ARHGEF3: variants seen among roughly 807,000 people sequenced by gnomAD.
ARHGEF3 encodes 59.8 kDA protein.
In ARHGEF3, 28 loss-of-function variants were observed where a neutral mutation model predicts 63.2. That is an observed-to-expected ratio of 0.44 (90% CI 0.33 to 0.61). The LOEUF (loss-of-function observed/expected upper bound fraction) is 0.61, where lower values mean the gene tolerates loss of function less well. Among genes scored for constraint, ARHGEF3 ranks in the 20% least tolerant of loss-of-function variants. ARHGEF3 has a pLI of 0.03. For missense variants in ARHGEF3, 533 were observed against 659.3 expected, an observed-to-expected ratio of 0.81 and a Z score of 2.10; for synonymous variants, 266 against 254.2, an observed-to-expected ratio of 1.05 and a Z score of -0.44.
chr3:56,941,763 G>T (rs367904068), intron 3 of ARHGEF3, among the ~76,000 whole-genome samples: 4 of 152,280 alleles, frequency 2.6e-5, no homozygotes, highest in African/African-American at 7.2e-5. Context: ...TCAGTGACGA[G>T]ACTTCTTTCT....
At chr3:56,845,614 C>T (rs966334211) in intron 4 of ARHGEF3, among the ~76,000 whole-genome samples, 4 of 152,186 alleles carry the variant, frequency 2.6e-5, no homozygotes, top group African/African-American at 4.8e-5. Flanking sequence ...GATGTTCCTT[C>T]ATGAGCAAAT....
Position 56,814,562 on chromosome 3 carries a change from A to G in ARHGEF3, c.193-40746T>C, listed in dbSNP as rs984553088. Among the ~76,000 whole-genome samples the G allele has an allele frequency of 3.9e-5, 6 of 152,362 alleles. No individual in the cohort carries two copies. In the South Asian group the frequency reaches 8.3e-4, roughly 21 times the overall value. On this transcript the variant is annotated intron_variant, in intron 4 of 12. Coordinates refer to the ARHGEF3 transcript ENST00000338458. ...TTCAAGGTTTTAATGAGTTAAAAAC[A>G]CATGAATAATCCAATAAGATAATAT...
chr3:56,892,152 T>C (rs1029156676), intron 3 of ARHGEF3, among the ~76,000 whole-genome samples: 1 of 152,046 alleles, frequency 6.6e-6, no homozygotes, highest in African/African-American at 2.4e-5. Flanking sequence ...ACAAACTGCT[T>C]TTCCCTCCAA....
intron 4 of ARHGEF3, among the ~76,000 whole-genome samples, chr3:56,838,052 G>T (rs2108098509): frequency 6.6e-6 from 1 of 152,198 alleles, no homozygotes; most frequent in East Asian, 1.9e-4. Context: ...GTTTATCACA[G>T]GAAAATACCT....
intron 1 of ARHGEF3, among the ~76,000 whole-genome samples, chr3:56,795,233 A>C (rs1578534551): frequency 1.3e-5 from 2 of 152,074 alleles, no homozygotes; most frequent in African/African-American, 4.8e-5. Flanking sequence ...TTGTCCCTGG[A>C]GGTGTTAAGC....
At chr3:56,784,274 G>A (rs1405374016) in intron 1 of ARHGEF3, among the ~76,000 whole-genome samples, 1 of 152,206 alleles carries the variant, frequency 6.6e-6, no homozygotes, top group African/African-American at 2.4e-5. Context: ...TGGGCCCGGA[G>A]GATGTTTTCT....
chr3:56,798,152 C>T (rs1226409139), intron 1 of ARHGEF3, among the ~76,000 whole-genome samples: 1 of 152,182 alleles, frequency 6.6e-6, no homozygotes, highest in African/African-American at 2.4e-5. Flanking sequence ...TCATTATTCT[C>T]AGGGTCATGC....
intron 2 of ARHGEF3, among the ~76,000 whole-genome samples, chr3:57,004,163 G>A (rs975834740): frequency 1.1e-4 from 16 of 152,318 alleles, no homozygotes; most frequent in African/African-American, 2.9e-4. Context: ...CTGAGGGAAG[G>A]TGTTCGGTCC....
At chr3:56,993,251 A>G (rs1471571412) in intron 2 of ARHGEF3, among the ~76,000 whole-genome samples, 1 of 152,244 alleles carries the variant, frequency 6.6e-6, no homozygotes, top group Non-Finnish European at 1.5e-5. Context: ...CTCCTAGTTC[A>G]AGATTTGAAC....
chr3:56,779,236 C>T (rs1020718754), intron 1 of ARHGEF3, among the ~76,000 whole-genome samples: 1 of 150,704 alleles, frequency 6.6e-6, no homozygotes, highest in Non-Finnish European at 1.5e-5. Context: ...ACAATGCCAA[C>T]TTTCCTTGAC....
At chr3:56,995,668 AG>A (rs1701956197) in intron 2 of ARHGEF3, among the ~76,000 whole-genome samples, 1 of 133,080 alleles carries the variant, frequency 7.5e-6, no homozygotes, top group Non-Finnish European at 1.7e-5. Flanking sequence ...AGAGAGAGAG[AG>A]AGAATTTTTT....
At chr3:56,738,955 C>T (rs1231779417) in intron 7 of ARHGEF3, among the ~76,000 whole-genome samples, 3 of 152,048 alleles carry the variant, frequency 2.0e-5, no homozygotes, top group East Asian at 1.9e-4. Context: ...ATTAGCCAGG[C>T]GAGGTGGTGC....
rs561743293 is a variant in ARHGEF3, at chr3:56,784,185, A to G, written c.97-10369T>C. 2.0e-5 allele frequency among the ~76,000 whole-genome samples: 3 copies of G among 152,356 alleles called. No individual in the cohort carries two copies. The East Asian group carries it at 5.8e-4, about 29-fold the overall frequency. ...CAGATGCTCAGAGCTGGAGAACTTT[A>G]AAGAGTTCAACCTCCTTAAAAATTA... On this transcript the variant is annotated intron_variant, in intron 1 of 9. Coordinates refer to ENST00000296315, the MANE Select transcript of ARHGEF3 (RefSeq NM_019555.3).
rs1424475029 is a variant in ARHGEF3 at position 56,728,298 on chromosome 3, G to T, written c.*972C>A. 3 of 152,630 alleles carry T rather than the reference G, an allele frequency of 2.0e-5. No individual in the cohort carries two copies. Among genetic ancestry groups the T allele is most frequent in the Non-Finnish European group, 4.4e-5 (3 of 68,046 alleles). The allele number at this position is 152,630 out of a possible 1,614,324, so 9.5% of individuals were successfully genotyped here. A position where few individuals can be genotyped will look rare whatever the true frequency, so the allele number is the denominator to read the frequency against. On this transcript the variant is annotated 3_prime_UTR_variant, in exon 10 of 10. Transcript: ENST00000296315. Reference sequence around the variant, plus strand: ...ACTGGACCATGCTTTTCTCTCAATGGCTCCCACAGAAGGTTCTGACGAAGT... The same window carrying T: ...ACTGGACCATGCTTTTCTCTCAATGTCTCCCACAGAAGGTTCTGACGAAGT...
At chr3:57,040,180 G>C (rs537132474) in intron 1 of ARHGEF3, among the ~76,000 whole-genome samples, 1 of 152,118 alleles carries the variant, frequency 6.6e-6, no homozygotes, top group Non-Finnish European at 1.5e-5. Context: ...TCTGTCTACA[G>C]AAAGTACCAC....
chr3:56,792,121 AAGAAAAG>A (rs2037115714), intron 1 of ARHGEF3, among the ~76,000 whole-genome samples: 2 of 139,578 alleles, frequency 1.4e-5, no homozygotes, highest in African/African-American at 6.0e-5. Context: ...AAAAAAAGAA[AAGAAAAG>A]AAAAGAAAAG....
chr3:56,902,802 T>C (rs1395072504), intron 3 of ARHGEF3, among the ~76,000 whole-genome samples: 3 of 152,166 alleles, frequency 2.0e-5, no homozygotes, highest in Non-Finnish European at 4.4e-5. Context: ...ACTACACTTG[T>C]GTGCCCAAAG....
At chr3:56,757,476 G>C (rs75274003) in intron 2 of ARHGEF3, among the ~76,000 whole-genome samples, 2,222 of 139,994 alleles carry the variant, frequency 0.016, 44 homozygotes, top group African/African-American at 0.055. Context: ...CTCCGTCTCA[G>C]AAAAAAAAAA....
At chr3:56,968,947 C>T (rs1700785224) in intron 2 of ARHGEF3, among the ~76,000 whole-genome samples, 1 of 152,136 alleles carries the variant, frequency 6.6e-6, no homozygotes, top group South Asian at 2.1e-4. Context: ...ATCCACTGCT[C>T]CATGTCTTAG....
Sources: gnomAD v4.1 joint callset for allele counts (sites outside exome capture counted in the v4.1 genomes callset) on GRCh38, gnomAD v4.1.1 for gene constraint, MANE v1.5 for transcripts, NCBI Gene and HGNC (gene_info 2026-07-23, HGNC 2026-07-21) for gene names.